Variants in SLFN12L observed in about 807,000 individuals in gnomAD.
The protein encoded by SLFN12L is schlafen family member 12-like.
A neutral mutation model predicts 34.8 loss-of-function variants in SLFN12L; 34 were observed. The observed-to-expected ratio is 0.98, with a 90% CI of 0.74 to 1.30. SLFN12L has a LOEUF of 1.30. Among genes scored for constraint, SLFN12L ranks in the 50% most tolerant of loss-of-function variants. The pLI, the probability that SLFN12L is intolerant of heterozygous loss-of-function variation, is 0.00. For synonymous variants in SLFN12L, 259 were observed against 247.5 expected (o/e 1.05, Z -0.44); for missense variants, 703 against 696.2 (o/e 1.01, Z -0.11).
chr17:35,499,375 C>T (rs891817984), intron 2 of SLFN12L, among the ~76,000 whole-genome samples: 7 of 152,102 alleles, frequency 4.6e-5, no homozygotes, highest in Admixed American at 3.3e-4. Context: ...TTTTTAGCAA[C>T]GTAACTTAAC....
chr17:35,478,598 G>A (rs1914142164), intron 3 of SLFN12L: 1 of 169,092 alleles, frequency 5.9e-6, no homozygotes, highest in African/African-American at 2.4e-5. Flanking sequence ...TAATCTCACT[G>A]GAGGCTTTCC....
chr17:35,490,564 G>A (rs1322625305), intron 2 of SLFN12L: 2 of 831,674 alleles, frequency 2.4e-6, no homozygotes, highest in African/African-American at 3.3e-5. Context: ...TCTGTCTGCG[G>A]ATGGGGGCAT....
In SLFN12L at chr17:35,528,472, G is replaced by A. The variant is rs1412762869; in HGVS notation, c.-605-5503C>T. Among the ~76,000 whole-genome samples the A allele has an allele frequency of 6.6e-5, 10 of 152,190 alleles. No homozygotes were observed. In the East Asian group the frequency reaches 1.9e-3, roughly 29 times the overall value. On this transcript the variant is annotated intron_variant, in intron 1 of 4. Coordinates refer to ENST00000628453, the MANE Select transcript of SLFN12L (RefSeq NM_001363830.2). Reference sequence around the variant, plus strand: ...TTACAAGGCTACAATAACCAAAACAGCATGGTGCTGGTACCAAAACAGACA... The same window carrying A: ...TTACAAGGCTACAATAACCAAAACAACATGGTGCTGGTACCAAAACAGACA...
At chr17:35,476,504 AGG>A (rs1914023527) in intron 4 of SLFN12L, among the ~76,000 whole-genome samples, 2 of 148,000 alleles carry the variant, frequency 1.4e-5, no homozygotes, top group East Asian at 1.9e-4. Context: ...GAAGGAAGGA[AGG>A]AAGGAAGGAA....
In SLFN12L at chr17:35,479,192, A is replaced by G. The variant is rs1376800791; in HGVS notation, c.1090T>C (p.Trp364Arg). ...CAVFAKKPDSWHVKDNRVKQL... is the reference protein window; with the variant it reads ...CAVFAKKPDSRHVKDNRVKQL... The stretch of plus-strand genomic sequence containing the variant: ...TTAACTCTGTTATCTTTCACGTGCC[A>G]GGAATCAGGCTTTTTAGCAAACACT... Residue 364 changes from tryptophan to arginine, a missense_variant, in exon 3 of 5, where the codon TGG becomes CGG. By Grantham distance (101) the Trp-to-Arg change is moderately radical. Transcript: ENST00000628453. 2 of 1,580,520 alleles carry G rather than the reference A, an allele frequency of 1.3e-6. No individual in the cohort carries two copies. The highest frequency in any genetic ancestry group is 1.3e-5 in the African/African-American group (1 of 74,074).
intron 1 of SLFN12L, among the ~76,000 whole-genome samples, chr17:35,523,961 G>A (rs2072307557): frequency 6.6e-6 from 1 of 152,072 alleles, no homozygotes; most frequent in African/African-American, 2.4e-5. Context: ...CAAAGATCAT[G>A]GGGTCCAAAG....
chr17:35,465,611 A>G lies in SLFN12L; in HGVS notation c.*9312T>C, dbSNP rs1913709523. Among the ~76,000 whole-genome samples, 1 of 151,752 alleles carries G rather than the reference A, an allele frequency of 6.6e-6. No individual in the cohort carries two copies. Among genetic ancestry groups the G allele is most frequent in the South Asian group, 2.1e-4 (1 of 4,790 alleles). ...TCATTTATATAACATAAAAGGGATA[A>G]AGGAGATAAGTATTCCCTGCTGCTT... is the stretch of plus-strand genomic sequence containing the variant. On this transcript the variant is annotated 3_prime_UTR_variant, in exon 5 of 5. Coordinates refer to ENST00000628453, the MANE Select transcript of SLFN12L (RefSeq NM_001363830.2).
chr17:35,497,293 A>G (rs1915119316), intron 2 of SLFN12L, among the ~76,000 whole-genome samples: 1 of 152,202 alleles, frequency 6.6e-6, no homozygotes, highest in Non-Finnish European at 1.5e-5. Context: ...GGGGAGGCTG[A>G]GGCAGGAGAA....
chr17:35,530,409 GGA>G (rs2072383025), intron 1 of SLFN12L, among the ~76,000 whole-genome samples: 1 of 12,264 alleles, frequency 8.2e-5, no homozygotes, highest in African/African-American at 2.3e-4. Flanking sequence ...AAGGAAGGAA[GGA>G]AGGAAGGAAG....
In SLFN12L at chr17:35,473,270, T is replaced by C. The variant is rs986928271; in HGVS notation, c.*1653A>G. ...GCTTCCAGGTTTTGCCCATTCAGTA[T>C]GATATTGGCTGTGGGTTTGTCATGA... On this transcript the variant is annotated 3_prime_UTR_variant, in exon 5 of 5. Transcript: ENST00000628453. Among the ~76,000 whole-genome samples, 18 of 152,234 alleles carry C rather than the reference T, an allele frequency of 1.2e-4. No individual in the cohort carries two copies. Among genetic ancestry groups the C allele is most frequent in the African/African-American group, 4.3e-4 (18 of 41,458 alleles).
In SLFN12L at chr17:35,472,071, C is replaced by T. The variant is rs898141028; in HGVS notation, c.*2852G>A. Among the ~76,000 whole-genome samples, 1 of 152,162 alleles carries T rather than the reference C, an allele frequency of 6.6e-6. No individual in the cohort carries two copies. The highest frequency in any genetic ancestry group is 2.4e-5 in the African/African-American group (1 of 41,434). Reference sequence around the variant, plus strand: ...CAGAAGCTCTTTAGTTTAATTAGATCCCGTTTGTCAACTTTGGCTTTCGTT... The same window carrying T: ...CAGAAGCTCTTTAGTTTAATTAGATTCCGTTTGTCAACTTTGGCTTTCGTT... On this transcript the variant is annotated 3_prime_UTR_variant, in exon 5 of 5. Coordinates refer to ENST00000628453, the MANE Select transcript of SLFN12L (RefSeq NM_001363830.2).
intron 2 of SLFN12L, chr17:35,499,709 T>C (rs994917556): frequency 3.6e-6 from 1 of 278,004 alleles, no homozygotes; most frequent in Non-Finnish European, 5.4e-6. Flanking sequence ...CCGTATCCTG[T>C]GGATCCATGT....
At chr17:35,523,412 T>C (rs1302712980) in intron 1 of SLFN12L, among the ~76,000 whole-genome samples, 1 of 152,202 alleles carries the variant, frequency 6.6e-6, no homozygotes, top group Non-Finnish European at 1.5e-5. Context: ...AAGGTACTCA[T>C]TAGCACAATA....
At chr17:35,533,732 C>T (rs1224723172) in intron 1 of SLFN12L, among the ~76,000 whole-genome samples, 2 of 152,084 alleles carry the variant, frequency 1.3e-5, no homozygotes, top group African/African-American at 2.4e-5. Flanking sequence ...CTCAGGTGTC[C>T]AGCTGTGCAT....
chr17:35,511,860 A>G (rs1915656431), intron 2 of SLFN12L, among the ~76,000 whole-genome samples: 1 of 152,244 alleles, frequency 6.6e-6, no homozygotes, highest in South Asian at 2.1e-4. Flanking sequence ...GTGGAAACAA[A>G]CAATGTATCC....
At chr17:35,525,466 T>C (rs969347284) in intron 1 of SLFN12L, among the ~76,000 whole-genome samples, 3 of 152,108 alleles carry the variant, frequency 2.0e-5, no homozygotes, top group African/African-American at 4.8e-5. Flanking sequence ...GAGAGAAAGG[T>C]TGGGTTACCC....
intron 2 of SLFN12L, chr17:35,498,200 C>CCTGGGGAGCCGGGGCCGT: frequency 4.2e-6 from 3 of 719,530 alleles, no homozygotes; most frequent in Non-Finnish European, 7.6e-6. Context: ...GCCGGGGCCG[C>CCTGGGGAGCCGGGGCCGT]CTGGGATGTT....
At chr17:35,536,928 C>A (rs1217921490) in intron 1 of SLFN12L, among the ~76,000 whole-genome samples, 1 of 152,018 alleles carries the variant, frequency 6.6e-6, no homozygotes, top group African/African-American at 2.4e-5. Flanking sequence ...ATAATCCCAG[C>A]ACATTGGGAG....
Position 35,466,719 on chromosome 17 carries a change from C to G in SLFN12L, c.*8204G>C, listed in dbSNP as rs1169344781. On this transcript the variant is annotated 3_prime_UTR_variant, in exon 5 of 5. Transcript: ENST00000628453. ...ATCTATCCAAATTAATACCAACAGA[C>G]AGACCCATTGGTGCCTGCATTGATT... 1.3e-5 allele frequency among the ~76,000 whole-genome samples: 2 copies of G among 152,218 alleles called. No individual in the cohort carries two copies. The highest frequency in any genetic ancestry group is 1.9e-4 in the East Asian group (1 of 5,198).
Sources: allele counts gnomAD v4.1 joint callset (sites outside exome capture counted in the v4.1 genomes callset), GRCh38; gene constraint gnomAD v4.1.1; transcripts MANE v1.5; gene names NCBI Gene and HGNC (gene_info 2026-07-23, HGNC 2026-07-21).